The following ARHGAP39 variants were observed in gnomAD, a reference collection of about 807,000 sequenced individuals.
ARHGAP39 encodes rho GTPase-activating protein 39.
In ARHGAP39, 44 loss-of-function variants were observed where a neutral mutation model predicts 106.9. The observed-to-expected ratio is 0.41, with a 90% CI of 0.32 to 0.53. ARHGAP39 has a LOEUF of 0.53. Among genes scored for constraint, ARHGAP39 ranks in the 20% least tolerant of loss-of-function variants. ARHGAP39 has a pLI of 0.21. For synonymous variants in ARHGAP39, 768 were observed against 693.2 expected, an observed-to-expected ratio of 1.11 and a Z score of -1.69; for missense variants, 1,496 against 1,577.3, an observed-to-expected ratio of 0.95 and a Z score of 0.87.
At chr8:144,692,470 T>A in the ARHGAP39 span, among the ~76,000 whole-genome samples, 1 of 152,152 alleles carries the variant, frequency 6.6e-6, no homozygotes, top group African/African-American at 2.4e-5. Flanking sequence ...CCAAAGCAGG[T>A]CTCACAGTGA....
intron 1 of ARHGAP39, among the ~76,000 whole-genome samples, chr8:144,624,223 G>A (rs540490547): frequency 1.2e-4 from 19 of 152,356 alleles, no homozygotes; most frequent in African/African-American, 3.8e-4. Context: ...TGGCCGTGCC[G>A]ACAGCCATGA....
chr8:144,616,024 G>A (rs1820626710), intron 1 of ARHGAP39, among the ~76,000 whole-genome samples: 1 of 152,252 alleles, frequency 6.6e-6, no homozygotes, highest in Admixed American at 6.5e-5. Flanking sequence ...GGGGAAAGGA[G>A]GGGGTCAGGC....
Position 144,530,204 on chromosome 8 carries a change from G to A in ARHGAP39, c.*218C>T, listed in dbSNP as rs1816618186. 5.3e-6 allele frequency: 3 copies of A among 569,724 alleles called. No homozygotes were observed. The highest frequency in any genetic ancestry group is 6.1e-5 in the East Asian group (2 of 32,770). The allele number at this position is 569,724 out of a possible 1,614,324, so 35.3% of individuals were successfully genotyped here. On this transcript the variant is annotated 3_prime_UTR_variant, in exon 12 of 12. Coordinates refer to ENST00000377307, the MANE Select transcript of ARHGAP39 (RefSeq NM_025251.3). The stretch of plus-strand genomic sequence containing the variant: ...GGTGCCCGCGGGAACTGGCCGTGAG[G>A]TGGGGGGCCAGAGGCGCCCTCCCCG...
intron 1 of ARHGAP39, among the ~76,000 whole-genome samples, chr8:144,608,108 G>T (rs1312808543): frequency 7.1e-6 from 1 of 140,428 alleles, no homozygotes; most frequent in Non-Finnish European, 1.5e-5. Context: ...AGTGAGCCGG[G>T]ATCGTGCCAC....
chr8:144,577,888 A>T (rs1220449111), intron 3 of ARHGAP39, among the ~76,000 whole-genome samples: 1 of 152,258 alleles, frequency 6.6e-6, no homozygotes, highest in Non-Finnish European at 1.5e-5. Context: ...AAATGAAAAG[A>T]CATCCTCTGT....
chr8:144,690,548 T>C (rs1355857678), upstream of ARHGAP39, among the ~76,000 whole-genome samples: 1 of 152,220 alleles, frequency 6.6e-6, no homozygotes, highest in Non-Finnish European at 1.5e-5. Flanking sequence ...TGATTTCCAT[T>C]ACCCTAATGA....
intron 1 of ARHGAP39, among the ~76,000 whole-genome samples, chr8:144,672,811 G>A (rs931438589): frequency 1.3e-5 from 2 of 152,134 alleles, no homozygotes; most frequent in African/African-American, 2.4e-5. Flanking sequence ...ATAAGAGCTC[G>A]AGTGCTTAAC....
chr8:144,611,251 T>C (rs1820480717), intron 1 of ARHGAP39, among the ~76,000 whole-genome samples: 1 of 152,268 alleles, frequency 6.6e-6, no homozygotes, highest in Admixed American at 6.5e-5. Flanking sequence ...ATTTATATGA[T>C]TTGAATTTGT....
intron 1 of ARHGAP39, among the ~76,000 whole-genome samples, chr8:144,636,418 G>C (rs1243555070): frequency 6.6e-6 from 1 of 152,150 alleles, no homozygotes; most frequent in African/African-American, 2.4e-5. Flanking sequence ...AGGGGGAGGA[G>C]TACAGAAGGA....
At chr8:144,693,606 C>CTCG in the ARHGAP39 span, among the ~76,000 whole-genome samples, 1 of 151,920 alleles carries the variant, frequency 6.6e-6, no homozygotes, top group Non-Finnish European at 1.5e-5. Flanking sequence ...ATCTCCTGAC[C>CTCG]TCGTGATCCA....
At position 144,537,744 on chromosome 8, in the gene ARHGAP39, T is replaced by A; in HGVS notation, c.2591A>T (p.Lys864Met). The part of the protein sequence containing the change: ...KKKSKLRKKP[K>M]PYVEEPDGVA... ...ACCATCCGGCTCTTCAACATAAGGCTTGGGTTTCTTTCTCAATTTGGACTT... is the reference window on the plus strand; with the variant it reads ...ACCATCCGGCTCTTCAACATAAGGCATGGGTTTCTTTCTCAATTTGGACTT... The change falls in exon 7 of 12, where the codon AAG (lysine) becomes ATG (methionine). Residue 864 changes from lysine (K) to methionine (M), a missense_variant. Physicochemically the swap from Lys to Met is moderately conservative, Grantham distance 95. This residue lies in a region of ARHGAP39 where 470 missense variants were observed against 605.1 expected (regional missense o/e 0.78). Transcript: ENST00000377307. The A allele has an allele frequency of 6.2e-7, 1 of 1,614,052 alleles. No homozygotes were observed. Among genetic ancestry groups the A allele is most frequent in the Non-Finnish European group, 8.5e-7 (1 of 1,179,946 alleles).
intron 1 of ARHGAP39, among the ~76,000 whole-genome samples, chr8:144,639,186 G>A (rs1352014899): frequency 6.6e-6 from 1 of 151,882 alleles, no homozygotes; most frequent in Non-Finnish European, 1.5e-5. Context: ...AATTAGCCGG[G>A]CATGGTGGTA....
At chr8:144,534,624 T>C (rs938165546) in intron 7 of ARHGAP39, among the ~76,000 whole-genome samples, 1 of 152,188 alleles carries the variant, frequency 6.6e-6, no homozygotes, top group Non-Finnish European at 1.5e-5. Flanking sequence ...GGAGGAGTCA[T>C]TTCCACCTAC....
rs1819156059 is a variant in ARHGAP39, at chr8:144,585,687, G to T, written c.81-4410C>A. On this transcript the variant is annotated intron_variant, in intron 2 of 11. Transcript: ENST00000377307. This position sits in a 1 kb window ranked among gnomAD's most constrained non-coding sequence, Gnocchi z 4.6. Reference sequence around the variant, plus strand: ...GCGGGGCCAGGACCTCCCGCCCATGGTGCCACGCGCTGCAGCCTGGGCCTC... The same window carrying T: ...GCGGGGCCAGGACCTCCCGCCCATGTTGCCACGCGCTGCAGCCTGGGCCTC... Among the ~76,000 whole-genome samples the T allele has an allele frequency of 6.6e-6, 1 of 152,206 alleles. No individual in the cohort carries two copies. The highest frequency in any genetic ancestry group is 1.5e-5 in the Non-Finnish European group (1 of 68,028).
At chr8:144,632,400 C>T (rs1312893980) in intron 1 of ARHGAP39, among the ~76,000 whole-genome samples, 1 of 152,194 alleles carries the variant, frequency 6.6e-6, no homozygotes, top group Non-Finnish European at 1.5e-5. Flanking sequence ...AGCCTGTGAC[C>T]GATCAACCTC....
chr8:144,692,137 G>A, the ARHGAP39 span, among the ~76,000 whole-genome samples: 2 of 152,056 alleles, frequency 1.3e-5, no homozygotes, highest in African/African-American at 4.8e-5. Flanking sequence ...CACAGCCTTT[G>A]GCTTCCCTGC....
At chr8:144,643,738 G>A (rs546236779) in intron 1 of ARHGAP39, among the ~76,000 whole-genome samples, 45 of 152,294 alleles carry the variant, frequency 3.0e-4, no homozygotes, top group African/African-American at 9.9e-4. Context: ...ACCAAAGGAC[G>A]TGTGATAGAA....
chr8:144,551,667 A>G (rs1250196325), intron 4 of ARHGAP39, among the ~76,000 whole-genome samples: 1 of 149,988 alleles, frequency 6.7e-6, no homozygotes, highest in African/African-American at 2.4e-5. Context: ...GCAGCTCCTG[A>G]GCCTGCATTC....
chr8:144,613,284 T>C (rs766563939), intron 1 of ARHGAP39, among the ~76,000 whole-genome samples: 1 of 152,250 alleles, frequency 6.6e-6, no homozygotes, highest in African/African-American at 2.4e-5. Context: ...TATTTACCCA[T>C]GTAGTTACCA....
Sources: gnomAD v4.1 joint callset for allele counts (sites outside exome capture counted in the v4.1 genomes callset) on GRCh38, gnomAD v4.1.1 for gene constraint, gnomAD v4.1.1 regional missense constraint, Gnocchi (gnomAD v3.1) non-coding constraint, MANE v1.5 for transcripts, NCBI Gene and HGNC (gene_info 2026-07-23, HGNC 2026-07-21) for gene names.